The following RAD54B variants were observed in gnomAD, a reference collection of about 807,000 sequenced individuals.
RAD54B encodes the protein DNA repair and recombination protein RAD54B.
Under a neutral mutation model 95.8 loss-of-function variants are expected in RAD54B, and 78 were observed. The observed-to-expected ratio is 0.81, with a 90% CI of 0.68 to 0.98. The LOEUF (loss-of-function observed/expected upper bound fraction) is 0.98. Among genes scored for constraint, RAD54B ranks in the 50% least tolerant of loss-of-function variants. The pLI is 0.00. For synonymous variants in RAD54B, 328 were observed against 354.9 expected (o/e 0.92, Z 0.85); for missense variants, 957 against 1,056.6 (o/e 0.91, Z 1.31).
chr8:94,438,250 G>C (rs1463774439), intron 3 of RAD54B, among the ~76,000 whole-genome samples: 3 of 152,216 alleles, frequency 2.0e-5, no homozygotes, highest in Admixed American at 2.0e-4. Flanking sequence ...GTGAGCCAAT[G>C]TGTTAAAAGC....
chr8:94,453,038 C>A (rs1270828830), intron 3 of RAD54B, among the ~76,000 whole-genome samples: 8 of 152,100 alleles, frequency 5.3e-5, no homozygotes, highest in African/African-American at 1.9e-4. Flanking sequence ...CATCAAAATG[C>A]TAAAGGCATA....
chr8:94,451,109 C>A (rs767042231), intron 3 of RAD54B, among the ~76,000 whole-genome samples: 1 of 152,022 alleles, frequency 6.6e-6, no homozygotes, highest in Non-Finnish European at 1.5e-5. Context: ...AATGAGTACA[C>A]CTAGTGGTCA....
chr8:94,394,728 G>T (rs1388300917), intron 8 of RAD54B, among the ~76,000 whole-genome samples: 1 of 152,036 alleles, frequency 6.6e-6, no homozygotes, highest in Admixed American at 6.6e-5. Context: ...ATATAAATCA[G>T]CACAAACAAT....
chr8:94,421,230 A>C (rs372742891), intron 3 of RAD54B, among the ~76,000 whole-genome samples: 16 of 152,286 alleles, frequency 1.1e-4, no homozygotes, highest in African/African-American at 3.8e-4. Flanking sequence ...AAAGTTCTCA[A>C]AAGCATTAGA....
At chr8:94,380,106 G>T in intron 12 of RAD54B, 39 bp downstream of exon 12, 1 of 1,548,176 alleles carries the variant, frequency 6.5e-7, no homozygotes, top group Non-Finnish European at 8.8e-7. Context: ...GTATCCTCAG[G>T]CATTCAATAA....
At chr8:94,470,583 G>A (rs10087503) in intron 1 of RAD54B, among the ~76,000 whole-genome samples, 46,313 of 146,998 alleles carry the variant, frequency 0.32, 7,600 homozygotes, top group East Asian at 0.43. Flanking sequence ...AAACAAGAGC[G>A]AAACTTCGTC....
chr8:94,435,018 C>T (rs1179157876), intron 3 of RAD54B, among the ~76,000 whole-genome samples: 1 of 151,880 alleles, frequency 6.6e-6, no homozygotes, highest in Non-Finnish European at 1.5e-5. Context: ...ACTAAAATTA[C>T]AGTTTCTACA....
chr8:94,436,688 G>A (rs1354829967), intron 3 of RAD54B: 6 of 1,550,568 alleles, frequency 3.9e-6, no homozygotes, highest in Non-Finnish European at 5.2e-6. Context: ...GTTCGAGGAG[G>A]GCGGTCTACT....
intron 14 of RAD54B, among the ~76,000 whole-genome samples, chr8:94,376,910 A>T (rs926604572): frequency 6.6e-6 from 1 of 151,898 alleles, no homozygotes; most frequent in Non-Finnish European, 1.5e-5. Flanking sequence ...GTTTATATAA[A>T]ATCTAAATTC....
chr8:94,433,642 TA>T (rs902598184), intron 3 of RAD54B, among the ~76,000 whole-genome samples: 1 of 151,990 alleles, frequency 6.6e-6, no homozygotes, highest in African/African-American at 2.4e-5. Flanking sequence ...TTCTGTTTTA[TA>T]AACATAATTT....
chr8:94,413,292 T>A (rs539413537), intron 3 of RAD54B, among the ~76,000 whole-genome samples: 3 of 152,202 alleles, frequency 2.0e-5, no homozygotes, highest in Non-Finnish European at 2.9e-5. Context: ...ATGTTTACAA[T>A]AATGCTGCGA....
chr8:94,372,354 T>G lies in RAD54B; in HGVS notation c.2549A>C (p.Asp850Ala). The G allele has an allele frequency of 6.2e-7, 1 of 1,613,420 alleles. No homozygotes were observed. The highest frequency in any genetic ancestry group is 8.5e-7 in the Non-Finnish European group (1 of 1,179,820). Reference sequence around the variant, plus strand: ...CTGGTGATGTGGACCAAGCTGACAATCTCTAGAGACAATGAATTTTTCCAA... The same window carrying G: ...CTGGTGATGTGGACCAAGCTGACAAGCTCTAGAGACAATGAATTTTTCCAA... ...DSLEKFIVSR[D>A]CQLGPHHQKS... The change falls in exon 15 of 15, where the codon GAT becomes GCT. Residue 850 changes from aspartate (D) to alanine (A), a missense_variant. Coordinates refer to ENST00000336148, the MANE Select transcript of RAD54B (RefSeq NM_012415.3).
intron 3 of RAD54B, among the ~76,000 whole-genome samples, chr8:94,454,146 C>A (rs1366647695): frequency 1.4e-5 from 2 of 146,016 alleles, no homozygotes; most frequent in African/African-American, 5.4e-5. Context: ...GCGTGCATTA[C>A]CTTTTAAAAA....
intron 4 of RAD54B, 145 bp from the exon 5 acceptor site, chr8:94,407,865 G>A: frequency 1.8e-6 from 1 of 565,914 alleles, no homozygotes; most frequent in South Asian, 4.4e-5. Flanking sequence ...TAACATTTTG[G>A]TTAAAAAAAA....
chr8:94,461,455 C>T (rs984157527), intron 2 of RAD54B, among the ~76,000 whole-genome samples: 12 of 151,062 alleles, frequency 7.9e-5, no homozygotes, highest in African/African-American at 2.9e-4. Flanking sequence ...AGGCGTGAGC[C>T]ACCACACCCG....
Position 94,374,445 on chromosome 8 carries a change from A to C in RAD54B, c.2516-2058T>G, listed in dbSNP as rs577884832. On this transcript the variant is annotated intron_variant, in intron 14 of 14. Transcript: ENST00000336148. ...AGTAGAAATAAATAAAAATACCTTA[A>C]TAATGATAAATGCAAACAAACTAAA... Among the ~76,000 whole-genome samples, 7 of 152,296 alleles carry C rather than the reference A, an allele frequency of 4.6e-5. No individual in the cohort carries two copies. In the South Asian group the frequency reaches 1.4e-3, roughly 32 times the overall value.
chr8:94,438,153 T>G (rs763610447), intron 3 of RAD54B, among the ~76,000 whole-genome samples: 13 of 152,220 alleles, frequency 8.5e-5, no homozygotes, highest in Admixed American at 3.9e-4. Flanking sequence ...GAACTGTAGT[T>G]CCACAGAAAT....
chr8:94,451,226 G>T (rs1229715672), intron 3 of RAD54B, among the ~76,000 whole-genome samples: 1 of 152,084 alleles, frequency 6.6e-6, no homozygotes, highest in Non-Finnish European at 1.5e-5. Flanking sequence ...GCACAAAAAC[G>T]CTCAAAAACT....
chr8:94,466,523 T>A (rs1813027836), intron 2 of RAD54B, among the ~76,000 whole-genome samples: 1 of 151,906 alleles, frequency 6.6e-6, no homozygotes, highest in South Asian at 2.1e-4. Context: ...TTCTCCTGCC[T>A]CAGTCTCCGG....
Sources: gnomAD v4.1 joint callset for allele counts (sites outside exome capture counted in the v4.1 genomes callset) on GRCh38, gnomAD v4.1.1 for gene constraint, MANE v1.5 for transcripts, NCBI Gene and HGNC (gene_info 2026-07-23, HGNC 2026-07-21) for gene names.